The following GLRA1 variants were observed in gnomAD, a reference collection of about 807,000 sequenced individuals.
The protein encoded by GLRA1 is glycine receptor subunit alpha-1.
In GLRA1, 37 loss-of-function variants were observed where a neutral mutation model predicts 48.3. The ratio of observed to expected loss-of-function variants is 0.77; its 90% CI spans 0.59 to 1.01. GLRA1 has a LOEUF of 1.01. Ranked by LOEUF, GLRA1 falls within the 50% of genes least tolerant of loss-of-function variation. The pLI, the probability that GLRA1 is intolerant of heterozygous loss-of-function variation, is 0.00. For missense variants in GLRA1, 427 were observed against 571.0 expected (o/e 0.75, Z 2.57); for synonymous variants, 196 against 210.7 (o/e 0.93, Z 0.60).
chr5:151,913,742 C>T (rs951938832), intron 1 of GLRA1, among the ~76,000 whole-genome samples: 3 of 152,134 alleles, frequency 2.0e-5, no homozygotes, highest in Admixed American at 2.0e-4. Context: ...TCCTGGATTC[C>T]AATCCCACAC....
chr5:151,879,843 A>G (rs142701061), intron 3 of GLRA1, among the ~76,000 whole-genome samples: 2,420 of 152,212 alleles, frequency 0.016, 59 homozygotes, highest in African/African-American at 0.054. Flanking sequence ...GAATGATATG[A>G]TTTGGCTGTG....
rs146481873 is a variant in GLRA1 at position 151,822,684 on chromosome 5, G to T, written c.1339C>A (p.His447Asn). ...IYKIVRREDVHNQ is the reference protein window; with the variant it reads ...IYKIVRREDVNNQ ...ACCTTTCAGACCCTTCACTGGTTGT[G>T]GACGTCCTCTCTACGGACAATCTTG... The change falls in exon 9 of 9, where the codon CAC (histidine) becomes AAC (asparagine). Residue 447 changes from histidine to asparagine, a missense_variant. By Grantham distance (68) the His-to-Asn change is moderately conservative. This residue lies in a region of GLRA1 where 121 missense variants were observed against 96.5 expected (regional missense o/e 1.25). Coordinates refer to ENST00000274576, the MANE Select transcript of GLRA1 (RefSeq NM_000171.4). The T allele has an allele frequency of 3.7e-6, 6 of 1,611,936 alleles. No homozygotes were observed. Among genetic ancestry groups the T allele is most frequent in the Non-Finnish European group, 5.1e-6 (6 of 1,178,238 alleles).
chr5:151,844,616 T>C (rs1189657610), intron 7 of GLRA1, among the ~76,000 whole-genome samples: 3 of 45,758 alleles, frequency 6.6e-5, no homozygotes, highest in Non-Finnish European at 1.3e-4. Flanking sequence ...AGTAGTACTC[T>C]ATCTCAAAAA....
At chr5:151,823,018 C>G in intron 8 of GLRA1, 55 bp from the exon 9 acceptor site, 4 of 1,496,838 alleles carry the variant, frequency 2.7e-6, no homozygotes, top group Non-Finnish European at 3.6e-6. Context: ...GCTAGGCACC[C>G]TCCCTGCAAG....
chr5:151,842,781 T>C (rs1453934524), intron 7 of GLRA1, among the ~76,000 whole-genome samples: 1 of 152,088 alleles, frequency 6.6e-6, no homozygotes, highest in Admixed American at 6.6e-5. Flanking sequence ...AAATGACATC[T>C]AGGTGAGAAA....
intron 1 of GLRA1, among the ~76,000 whole-genome samples, chr5:151,922,740 G>A (rs1183653121): frequency 3.3e-5 from 5 of 152,336 alleles, no homozygotes; most frequent in Middle Eastern, 3.4e-3. Context: ...TTTAGACTGA[G>A]TCTCCCTTTT....
chr5:151,828,811 G>A (rs1763341047), intron 8 of GLRA1, 110 bp downstream of exon 8: 1 of 1,130,094 alleles, frequency 8.8e-7, no homozygotes, highest in Non-Finnish European at 1.3e-6. Flanking sequence ...AACCTGCCTT[G>A]CACATTGAGA....
intron 3 of GLRA1, among the ~76,000 whole-genome samples, chr5:151,883,019 G>T (rs556889830): frequency 1.3e-5 from 2 of 152,118 alleles, no homozygotes; most frequent in Non-Finnish European, 2.9e-5. Flanking sequence ...TGTTAAGTGA[G>T]ATCTAGTAAG....
At chr5:151,849,260 T>TTCTC (rs1276065174) in intron 7 of GLRA1, among the ~76,000 whole-genome samples, 7,112 of 78,180 alleles carry the variant, frequency 0.091, 701 homozygotes, top group African/African-American at 0.16. Context: ...CCTTCTTTCT[T>TTCTC]TCTCTCTCTC....
intron 3 of GLRA1, among the ~76,000 whole-genome samples, chr5:151,879,168 CA>C (rs1753698637): frequency 6.6e-6 from 1 of 152,200 alleles, no homozygotes; most frequent in South Asian, 2.1e-4. Context: ...GACGTGGAGT[CA>C]AAAGAGATCA....
intron 7 of GLRA1, among the ~76,000 whole-genome samples, chr5:151,839,050 G>A (rs990062730): frequency 6.6e-6 from 1 of 152,212 alleles, no homozygotes; most frequent in Non-Finnish European, 1.5e-5. Flanking sequence ...TTCTTGATAA[G>A]ATTAACAGTT....
intron 7 of GLRA1, among the ~76,000 whole-genome samples, chr5:151,836,663 A>G (rs1763584514): frequency 6.6e-6 from 1 of 152,056 alleles, no homozygotes; most frequent in Non-Finnish European, 1.5e-5. Flanking sequence ...CATAACTATA[A>G]CCATCTGATC....
intron 7 of GLRA1, among the ~76,000 whole-genome samples, chr5:151,849,366 TC>T (rs1752814893): frequency 1.3e-5 from 1 of 78,312 alleles, no homozygotes; most frequent in South Asian, 5.8e-4. Context: ...TTCCTTCCTT[TC>T]TTCCTTTCGT....
chr5:151,893,880 T>C (rs572325086), intron 1 of GLRA1, among the ~76,000 whole-genome samples: 1 of 152,206 alleles, frequency 6.6e-6, no homozygotes, highest in African/African-American at 2.4e-5. Context: ...TATTCAGTAA[T>C]GGGATTGCTG....
At chr5:151,862,946 AGTGT>A (rs930235398) in intron 3 of GLRA1, among the ~76,000 whole-genome samples, 8 of 152,290 alleles carry the variant, frequency 5.3e-5, no homozygotes, top group Admixed American at 1.3e-4. Context: ...TTAGAACCCA[AGTGT>A]TCTGACTTCT....
rs1398364061 is a variant in GLRA1, at chr5:151,828,931, C to A, written c.1049G>T (p.Arg350Ile). ...GACCCAAAGGCCTACCTTGTGATGT[C>A]TCCGCTTCCTCCTGAATCGGAGCAG... ...KELLRFRRKR[R>I]HHKEDEAGEG... Residue 350 changes from arginine to isoleucine, a missense_variant, in exon 8 of 9, where the codon AGA (arginine) becomes ATA (isoleucine). By Grantham distance (97) the Arg-to-Ile change is moderately conservative. Around this residue, in one of 4 missense-constraint regions of GLRA1, gnomAD observed 31 missense variants for 21.9 expected, o/e 1.41. Transcript: ENST00000274576. 1 of 1,614,066 alleles carries A rather than the reference C, an allele frequency of 6.2e-7. No homozygotes were observed. The highest frequency in any genetic ancestry group is 1.7e-5 in the Admixed American group (1 of 60,024).
chr5:151,846,365 T>C (rs1002389642), intron 7 of GLRA1, among the ~76,000 whole-genome samples: 2 of 152,052 alleles, frequency 1.3e-5, no homozygotes, highest in African/African-American at 4.8e-5. Flanking sequence ...CTATTAATAG[T>C]GAGTGGAGCA....
At chr5:151,848,947 T>G in intron 7 of GLRA1, 1 of 715,794 alleles carries the variant, frequency 1.4e-6, no homozygotes, top group East Asian at 2.8e-5. Flanking sequence ...TGTCCCTGTC[T>G]CAGGGTGAGA....
chr5:151,864,128 G>A (rs781757877), intron 3 of GLRA1, among the ~76,000 whole-genome samples: 16 of 136,426 alleles, frequency 1.2e-4, no homozygotes, highest in Admixed American at 6.6e-4. Flanking sequence ...TGGATTTTGC[G>A]TGAAGTGTGC....
Sources: gnomAD v4.1 joint callset for allele counts (sites outside exome capture counted in the v4.1 genomes callset) on GRCh38, gnomAD v4.1.1 for gene constraint, gnomAD v4.1.1 regional missense constraint, MANE v1.5 for transcripts, NCBI Gene and HGNC (gene_info 2026-07-23, HGNC 2026-07-21) for gene names.